Variants in ELMO1 observed in about 807,000 individuals in gnomAD.
The protein encoded by ELMO1 is engulfment and cell motility protein 1.
In ELMO1, 26 loss-of-function variants were observed where a neutral mutation model predicts 98.9. The observed-to-expected ratio is 0.26, with a 90% confidence interval of 0.19 to 0.36. The LOEUF is 0.36. Among genes scored for constraint, ELMO1 ranks in the 10% least tolerant of loss-of-function variants. The pLI, the probability that ELMO1 is intolerant of heterozygous loss-of-function variation, is 1.00. For synonymous variants in ELMO1, 346 were observed against 346.0 expected (o/e 1.00, Z 0.00); for missense variants, 627 against 935.2 (o/e 0.67, Z 4.30).
chr7:37,293,459 C>G (rs1473413285), intron 4 of ELMO1, among the ~76,000 whole-genome samples: 1 of 93,186 alleles, frequency 1.1e-5, no homozygotes, highest in Non-Finnish European at 2.5e-5. Flanking sequence ...TGTATCCACT[C>G]AGGGTTGAAT....
intron 16 of ELMO1, among the ~76,000 whole-genome samples, chr7:36,953,860 T>A (rs1788215199): frequency 4.0e-5 from 2 of 50,024 alleles, no homozygotes; most frequent in African/African-American, 1.4e-4. Flanking sequence ...TGTGTGTGTG[T>A]GTGTGTGTGT....
At chr7:36,998,017 G>A (rs1021213737) in intron 16 of ELMO1, 1 of 152,140 alleles carries the variant, frequency 6.6e-6, no homozygotes, top group African/African-American at 2.4e-5. Flanking sequence ...ATTTGGCAGT[G>A]CAGAGACGGA....
intron 16 of ELMO1, among the ~76,000 whole-genome samples, chr7:36,931,035 A>G (rs936730704): frequency 1.5e-4 from 23 of 152,248 alleles, no homozygotes; most frequent in African/African-American, 4.8e-4. Flanking sequence ...TTTGATAGTT[A>G]AGAAATGTAG....
chr7:37,049,263 G>C (rs765390269), intron 15 of ELMO1, among the ~76,000 whole-genome samples: 36 of 152,106 alleles, frequency 2.4e-4, no homozygotes, highest in Non-Finnish European at 2.9e-5. Context: ...GTGCCGCTTT[G>C]GGACTCCCCA....
At chr7:37,292,699 C>T (rs1228871668) in intron 4 of ELMO1, among the ~76,000 whole-genome samples, 1 of 97,530 alleles carries the variant, frequency 1.0e-5, no homozygotes, top group Non-Finnish European at 2.4e-5. Context: ...AAGTGAGGAG[C>T]GTCTCCGCCC....
intron 16 of ELMO1, among the ~76,000 whole-genome samples, chr7:36,913,595 C>T (rs1784483266): frequency 6.6e-6 from 1 of 152,174 alleles, no homozygotes; most frequent in African/African-American, 2.4e-5. Flanking sequence ...AGAAACGCCA[C>T]ATACGAGTCA....
intron 4 of ELMO1, among the ~76,000 whole-genome samples, chr7:37,279,105 G>A (rs1797005300): frequency 6.6e-6 from 1 of 152,092 alleles, no homozygotes; most frequent in Non-Finnish European, 1.5e-5. Flanking sequence ...AGGAGGCTGA[G>A]GCAGGAGAAT....
intron 1 of ELMO1, among the ~76,000 whole-genome samples, chr7:37,418,188 A>G (rs1333830727): frequency 6.6e-6 from 1 of 152,216 alleles, no homozygotes; most frequent in African/African-American, 2.4e-5. Flanking sequence ...CCTATCTGCT[A>G]AGAGACAGAA....
At chr7:37,259,387 A>T (rs1437536629) in intron 5 of ELMO1, 37 bp from the exon 6 acceptor site, 1 of 1,596,750 alleles carries the variant, frequency 6.3e-7, no homozygotes, top group Non-Finnish European at 8.5e-7. Flanking sequence ...GTGTTGACAA[A>T]CGAAACCACA....
At chr7:37,097,400 A>C (rs1044110269) in intron 14 of ELMO1, among the ~76,000 whole-genome samples, 22 of 152,066 alleles carry the variant, frequency 1.4e-4, no homozygotes, top group African/African-American at 5.1e-4. Flanking sequence ...TCTCTACTAA[A>C]ATTACTACTC....
At chr7:37,413,005 T>C (rs1209048189) in intron 1 of ELMO1, among the ~76,000 whole-genome samples, 1 of 152,246 alleles carries the variant, frequency 6.6e-6, no homozygotes, top group Non-Finnish European at 1.5e-5. Context: ...AAGCTGCTCC[T>C]GGGTTCCTCA....
chr7:37,336,487 C>T (rs554670447), intron 2 of ELMO1, among the ~76,000 whole-genome samples: 2 of 152,272 alleles, frequency 1.3e-5, no homozygotes, highest in African/African-American at 4.8e-5. Context: ...GAAACTTTAA[C>T]GTCATGAGCG....
intron 16 of ELMO1, among the ~76,000 whole-genome samples, chr7:36,901,755 T>C (rs1806523178): frequency 1.3e-5 from 2 of 152,132 alleles, no homozygotes; most frequent in South Asian, 2.1e-4. Context: ...GCACCCAATA[T>C]GTTATAAGGT....
At chr7:37,041,350 T>C (rs1243803371) in intron 15 of ELMO1, among the ~76,000 whole-genome samples, 2 of 152,164 alleles carry the variant, frequency 1.3e-5, no homozygotes, top group Admixed American at 1.3e-4. Flanking sequence ...ATGGACAGAC[T>C]AGAGGACCCT....
chr7:36,946,959 T>C (rs2129100882), intron 16 of ELMO1, among the ~76,000 whole-genome samples: 1 of 152,378 alleles, frequency 6.6e-6, no homozygotes, highest in Non-Finnish European at 1.5e-5. Context: ...ATTGTCAATT[T>C]ATCTTTTTGT....
At chr7:36,999,683 T>C (rs1258074614) in intron 16 of ELMO1, among the ~76,000 whole-genome samples, 1 of 152,168 alleles carries the variant, frequency 6.6e-6, no homozygotes, top group African/African-American at 2.4e-5. Flanking sequence ...GAATGTACAA[T>C]AATTTTTGGT....
chr7:37,140,976 T>C (rs538718604), intron 13 of ELMO1, among the ~76,000 whole-genome samples: 2 of 151,642 alleles, frequency 1.3e-5, no homozygotes, highest in East Asian at 1.9e-4. Context: ...AGTGTGGAGG[T>C]TCCTTAAAGA....
intron 1 of ELMO1, among the ~76,000 whole-genome samples, chr7:37,349,906 G>T (rs1180085638): frequency 6.6e-6 from 1 of 152,192 alleles, no homozygotes; most frequent in African/African-American, 2.4e-5. Context: ...AATACCTTTA[G>T]TGTCTAGGTC....
intron 13 of ELMO1, among the ~76,000 whole-genome samples, chr7:37,167,461 T>C (rs780117695): frequency 7.0e-4 from 106 of 151,486 alleles, no homozygotes; most frequent in Non-Finnish European, 1.2e-3. Flanking sequence ...TGGCATGATT[T>C]TGCAGCGGCT....
Sources: gnomAD v4.1 joint callset for allele counts (sites outside exome capture counted in the v4.1 genomes callset) on GRCh38, gnomAD v4.1.1 for gene constraint, MANE v1.5 for transcripts, NCBI Gene and HGNC (gene_info 2026-07-23, HGNC 2026-07-21) for gene names.